KDM6A: variants seen among roughly 807,000 people sequenced by gnomAD.
The protein encoded by KDM6A is lysine demethylase 6A.
KDM6A carries 11 observed loss-of-function variants against 117.6 expected under a neutral mutation model. The ratio of observed to expected loss-of-function variants is 0.09; its 90% CI spans 0.06 to 0.15. The LOEUF (loss-of-function observed/expected upper bound fraction) is 0.15. Ranked by LOEUF, KDM6A falls within the 10% of genes least tolerant of loss-of-function variation. The pLI, the probability that KDM6A is intolerant of heterozygous loss-of-function variation, is 1.00. For missense variants in KDM6A, 799 were observed against 1,077.3 expected (o/e 0.74, Z 3.62); for synonymous variants, 384 against 396.1 (o/e 0.97, Z 0.36).
At chrX:44,903,357 C>T (rs2034469053) in intron 2 of KDM6A, among the ~76,000 whole-genome samples, 1 of 111,987 alleles carries the variant, frequency 8.9e-6, no homozygotes, top group South Asian at 3.7e-4. Flanking sequence ...TGATGAGTCA[C>T]TTCTTTCGTG....
At chrX:44,887,372 T>A (rs1357240095) in intron 2 of KDM6A, among the ~76,000 whole-genome samples, 2 of 111,705 alleles carry the variant, frequency 1.8e-5, no homozygotes, top group Non-Finnish European at 3.8e-5. Context: ...GGAATCTTCC[T>A]TGAAGCTCAA....
At chrX:44,989,573 G>T (rs1474930799) in intron 4 of KDM6A, among the ~76,000 whole-genome samples, 1 of 111,685 alleles carries the variant, frequency 9.0e-6, no homozygotes, top group Non-Finnish European at 1.9e-5. Context: ...CTATGAGGAG[G>T]AAACACGTAA....
chrX:45,076,895 A>C, intron 19 of KDM6A, 69 bp downstream of exon 19: 1 of 953,515 alleles, frequency 1.0e-6, no homozygotes, highest in South Asian at 2.0e-5. Flanking sequence ...AAAATCTTTA[A>C]ATTTACATGG....
At chrX:44,959,577 T>A (rs934189235) in intron 2 of KDM6A, among the ~76,000 whole-genome samples, 18 of 110,389 alleles carry the variant, frequency 1.6e-4, no homozygotes, top group Admixed American at 1.4e-3. Flanking sequence ...CTAAGAGTTT[T>A]AAAAAAAATA....
At chrX:45,104,583 T>C (rs1057320758) in intron 27 of KDM6A, among the ~76,000 whole-genome samples, 5 of 111,935 alleles carry the variant, frequency 4.5e-5, no homozygotes, top group African/African-American at 1.6e-4. Flanking sequence ...TATCCTTCAA[T>C]TGAATCACAT....
intron 21 of KDM6A, 148 bp downstream of exon 21, chrX:45,079,499 A>ATG (rs1268038024): frequency 7.8e-5 from 35 of 448,129 alleles, no homozygotes; most frequent in South Asian, 2.0e-4. Flanking sequence ...TCTCGTATGT[A>ATG]TATATGTATG....
intron 2 of KDM6A, among the ~76,000 whole-genome samples, chrX:44,889,616 T>C (rs2033174520): frequency 1.8e-5 from 2 of 111,764 alleles, no homozygotes; most frequent in South Asian, 7.4e-4. Context: ...GAGGATAACT[T>C]TTAATAGGCT....
At chrX:45,064,935 A>G (rs6611063) in intron 17 of KDM6A, among the ~76,000 whole-genome samples, 20,041 of 111,321 alleles carry the variant, frequency 0.18, 1,717 homozygotes, top group Admixed American at 0.37. Flanking sequence ...ATACATCAAT[A>G]AAGAAAATAT....
intron 25 of KDM6A, 70 bp from the exon 26 acceptor site, chrX:45,089,673 T>C: frequency 2.5e-6 from 2 of 790,070 alleles, no homozygotes; most frequent in Non-Finnish European, 3.8e-6. Context: ...ATTTGTGACA[T>C]TTTCTTCCAG....
At chrX:45,005,962 CCCCCCCACCCCCCCCA>C (rs2041430968) in intron 4 of KDM6A, among the ~76,000 whole-genome samples, 1 of 46,467 alleles carries the variant, frequency 2.2e-5, no homozygotes, top group Non-Finnish European at 3.8e-5. Flanking sequence ...CACCCCCCCA[CCCCCCCACCCCCCCCA>C]CCCCCCACCA....
intron 4 of KDM6A, among the ~76,000 whole-genome samples, chrX:45,005,963 CCCCCCA>C (rs2041431680): frequency 6.4e-4 from 35 of 54,509 alleles, no homozygotes; most frequent in African/African-American, 3.3e-3. Context: ...ACCCCCCCAC[CCCCCCA>C]CCCCCCCCAC....
chrX:44,920,629 A>G (rs1427330943), intron 2 of KDM6A, among the ~76,000 whole-genome samples: 4 of 108,364 alleles, frequency 3.7e-5, no homozygotes, highest in Non-Finnish European at 7.7e-5. Flanking sequence ...TGGTAGAGAC[A>G]GGGTTTCACC....
At chrX:45,035,569 G>GT (rs1030415495) in intron 7 of KDM6A, among the ~76,000 whole-genome samples, 1 of 111,017 alleles carries the variant, frequency 9.0e-6, no homozygotes, top group African/African-American at 3.3e-5. Flanking sequence ...TTGATTATAT[G>GT]TTTATCGATA....
At chrX:45,047,453 GT>G (rs2043593822) in intron 8 of KDM6A, among the ~76,000 whole-genome samples, 2 of 98,852 alleles carry the variant, frequency 2.0e-5, no homozygotes, top group South Asian at 8.9e-4. Flanking sequence ...CTAGTGACTT[GT>G]TTTCAAATGC....
intron 8 of KDM6A, among the ~76,000 whole-genome samples, chrX:45,040,600 C>CA (rs2043083244): frequency 1.3e-5 from 1 of 77,049 alleles, no homozygotes; most frequent in Non-Finnish European, 2.4e-5. Flanking sequence ...ACCTCCCGGA[C>CA]GGGGCGGCTG....
intron 2 of KDM6A, among the ~76,000 whole-genome samples, chrX:44,945,629 A>G (rs1314209010): frequency 8.9e-6 from 1 of 111,853 alleles, no homozygotes; most frequent in Non-Finnish European, 1.9e-5. Context: ...GAGCTTAGAC[A>G]TTCAAGCTAA....
intron 6 of KDM6A, among the ~76,000 whole-genome samples, chrX:45,025,680 AG>A (rs1673373330): frequency 8.9e-6 from 1 of 112,332 alleles, no homozygotes; most frequent in South Asian, 3.7e-4. Context: ...CTTATTCTTC[AG>A]TCAGTTAATG....
At chrX:45,002,637 T>G (rs975845641) in intron 4 of KDM6A, among the ~76,000 whole-genome samples, 1 of 112,363 alleles carries the variant, frequency 8.9e-6, no homozygotes, top group African/African-American at 3.2e-5. Context: ...GTTTCTTCAA[T>G]AGTTTTACAT....
Position 45,017,498 on chromosome X carries a change from C to T in KDM6A, c.444-3112C>T, listed in dbSNP as rs2042014451. Among the ~76,000 whole-genome samples the T allele has an allele frequency of 2.8e-5, 3 of 107,962 alleles. No individual in the cohort carries two copies. The South Asian group carries it at 1.2e-3, about 42-fold the overall frequency. 93.8% of individuals were successfully genotyped at this position (107,962 alleles called of 115,157 possible). A position where few individuals can be genotyped will look rare whatever the true frequency, so the allele number is the denominator to read the frequency against. Reference sequence around the variant, plus strand: ...AATCCACCTTCCCTTGTACTTCCTTCTCCCCCTCCCCCAGTGTTTTTATTT... The same window carrying T: ...AATCCACCTTCCCTTGTACTTCCTTTTCCCCCTCCCCCAGTGTTTTTATTT... On this transcript the variant is annotated intron_variant, in intron 5 of 29. Coordinates refer to ENST00000611820, the MANE Select transcript of KDM6A (RefSeq NM_001291415.2).
Sources: gnomAD v4.1 joint callset for allele counts (sites outside exome capture counted in the v4.1 genomes callset) on GRCh38, gnomAD v4.1.1 for gene constraint, MANE v1.5 for transcripts, NCBI Gene and HGNC (gene_info 2026-07-23, HGNC 2026-07-21) for gene names.